The following IRAK1BP1 variants were observed in gnomAD, a reference collection of about 807,000 sequenced individuals.
The protein encoded by IRAK1BP1 is interleukin 1 receptor associated kinase 1 binding protein 1, also known as interleukin-1 receptor-associated kinase 1-binding protein 1.
IRAK1BP1 carries 24 observed loss-of-function variants against 28.0 expected under a neutral mutation model. The observed-to-expected ratio is 0.86, with a 90% CI of 0.62 to 1.20. The LOEUF is 1.20. Ranked by LOEUF, IRAK1BP1 falls within the 50% of genes most tolerant of loss-of-function variation. The pLI is 0.00. For missense variants in IRAK1BP1, 336 were observed against 316.7 expected (o/e 1.06, Z -0.46); for synonymous variants, 131 against 116.3 (o/e 1.13, Z -0.81).
chr6:78,965,613 C>A, the IRAK1BP1 span: 1 of 741,268 alleles, frequency 1.3e-6, no homozygotes, highest in Middle Eastern at 2.6e-4. Context: ...ATACTCACAA[C>A]TGTAAGTGGT....
chr6:78,971,815 T>C, the IRAK1BP1 span, among the ~76,000 whole-genome samples: 1 of 152,106 alleles, frequency 6.6e-6, no homozygotes, highest in Non-Finnish European at 1.5e-5. Flanking sequence ...ACTGCGCTTT[T>C]CCAATGGGCT....
downstream of IRAK1BP1, among the ~76,000 whole-genome samples, chr6:78,905,890 C>T (rs761712317): frequency 2.0e-5 from 3 of 152,074 alleles, no homozygotes; most frequent in Non-Finnish European, 2.9e-5. Context: ...CGTGAGCCAC[C>T]GTACCTGACC....
At chr6:78,922,365 G>A (rs537137830) in intron 4 of IRAK1BP1, among the ~76,000 whole-genome samples, 23 of 152,196 alleles carry the variant, frequency 1.5e-4, no homozygotes, top group Non-Finnish European at 3.1e-4. Context: ...GAGAAGAGAA[G>A]TTTAGAGAAA....
chr6:78,954,895 C>T, the IRAK1BP1 span: 1 of 1,586,734 alleles, frequency 6.3e-7, no homozygotes, highest in Non-Finnish European at 8.6e-7. Flanking sequence ...ATTCTTCACA[C>T]TGTTTCTTCC....
intron 1 of IRAK1BP1, chr6:78,871,500 A>G (rs1186909971): frequency 1.2e-5 from 12 of 985,398 alleles, no homozygotes; most frequent in Non-Finnish European, 1.4e-5. Context: ...CCACAGGAAC[A>G]GCAGACGAGA....
Position 78,899,621 on chromosome 6 carries a change from A to G in IRAK1BP1, c.*1287A>G, listed in dbSNP as rs945016429. On this transcript the variant is annotated 3_prime_UTR_variant, in exon 4 of 4. Coordinates refer to ENST00000369940, the MANE Select transcript of IRAK1BP1 (RefSeq NM_001010844.4). The stretch of plus-strand genomic sequence containing the variant: ...GAGATGGAGTCTTTCTCTGTCGCCC[A>G]AGCTGGAGTGCAGTGGTACGATCTC... The G allele has an allele frequency of 6.6e-6, 1 of 152,042 alleles. No homozygotes were observed. Among genetic ancestry groups the G allele is most frequent in the African/African-American group, 2.4e-5 (1 of 41,410 alleles). 9.4% of individuals were successfully genotyped at this position (152,042 alleles called of 1,614,324 possible). A position where few individuals can be genotyped will look rare whatever the true frequency, so the allele number is the denominator to read the frequency against.
the IRAK1BP1 span, among the ~76,000 whole-genome samples, chr6:78,968,889 C>G: frequency 6.6e-6 from 1 of 152,092 alleles, no homozygotes; most frequent in Non-Finnish European, 1.5e-5. Context: ...CCAATTTTTT[C>G]CCCCTGAAGA....
In IRAK1BP1 at chr6:78,885,564, CA is replaced by C. The variant is rs1239104297; in HGVS notation, c.381+125del. ...GATATTAATAGAAGATTATTTTTCT[CA>C]AAATCATCTTGGTGTTATATATCTA... On this transcript the variant is annotated intron_variant, in intron 2 of 3. Transcript: ENST00000369940. 12 of 506,912 alleles carry C rather than the reference CA, an allele frequency of 2.4e-5. No homozygotes were observed. The East Asian group carries it at 3.9e-4, about 17-fold the overall frequency. 31.4% of individuals were successfully genotyped at this position (506,912 alleles called of 1,614,324 possible).
At chr6:78,949,351 T>G (rs1311709770), downstream of IRAK1BP1, among the ~76,000 whole-genome samples, 2 of 152,136 alleles carry the variant, frequency 1.3e-5, no homozygotes, top group Non-Finnish European at 2.9e-5. Context: ...AGAACATGTC[T>G]TTCATATACA....
intron 2 of IRAK1BP1, among the ~76,000 whole-genome samples, chr6:78,894,184 AAAAG>A (rs1771797938): frequency 6.6e-6 from 1 of 152,198 alleles, no homozygotes; most frequent in African/African-American, 2.4e-5. Flanking sequence ...AAAAATATCA[AAAAG>A]AAAACAGAAA....
chr6:78,891,098 A>G (rs1771642398), intron 2 of IRAK1BP1, among the ~76,000 whole-genome samples: 1 of 152,212 alleles, frequency 6.6e-6, no homozygotes, highest in Admixed American at 6.5e-5. Context: ...AGATTACCCA[A>G]TTAATTTGAC....
At chr6:78,974,640 A>C in the IRAK1BP1 span, among the ~76,000 whole-genome samples, 3 of 152,108 alleles carry the variant, frequency 2.0e-5, no homozygotes, top group Non-Finnish European at 2.9e-5. Context: ...AAGACTAATA[A>C]AAGAAAAAAA....
At chr6:78,975,998 T>C in the IRAK1BP1 span, among the ~76,000 whole-genome samples, 1 of 151,882 alleles carries the variant, frequency 6.6e-6, no homozygotes, top group Non-Finnish European at 1.5e-5. Flanking sequence ...TACCAATGCC[T>C]TTCTTCACAG....
At chr6:78,885,223 A>G (rs1290115939) in intron 1 of IRAK1BP1, among the ~76,000 whole-genome samples, 155 bp from the exon 2 acceptor site, 2 of 152,112 alleles carry the variant, frequency 1.3e-5, no homozygotes, top group Non-Finnish European at 2.9e-5. Flanking sequence ...AATTCATTTT[A>G]TGTCACTTTT....
chr6:78,890,660 A>AT (rs1771619724), intron 2 of IRAK1BP1, among the ~76,000 whole-genome samples: 1 of 152,254 alleles, frequency 6.6e-6, no homozygotes, highest in African/African-American at 2.4e-5. Context: ...ACCAAGGGTC[A>AT]GAAATCTGAA....
chr6:78,941,199 T>C lies in IRAK1BP1; in HGVS notation c.*68-4209T>C, dbSNP rs754142588. 18 of 1,613,938 alleles carry C rather than the reference T, an allele frequency of 1.1e-5. No homozygotes were observed. The South Asian group carries it at 2.0e-4, about 18-fold the overall frequency. On this transcript the variant is annotated intron_variant and NMD_transcript_variant, in intron 4 of 4. Coordinates refer to the IRAK1BP1 transcript ENST00000606868. ...TTTCTACCCCTTTTCTTGTGTATAA[T>C]TTCACCACTATTGGTATTAACTTCT... is the stretch of plus-strand genomic sequence containing the variant.
chr6:78,976,597 A>C, the IRAK1BP1 span, among the ~76,000 whole-genome samples: 186 of 141,622 alleles, frequency 1.3e-3, no homozygotes, highest in African/African-American at 4.6e-3. Context: ...CAACCTACAA[A>C]ATGGGAGAAA....
the IRAK1BP1 span, among the ~76,000 whole-genome samples, chr6:78,964,178 T>G: frequency 6.6e-6 from 1 of 152,152 alleles, no homozygotes; most frequent in African/African-American, 2.4e-5. Flanking sequence ...ACCAATTGAT[T>G]TAAGATATTT....
In IRAK1BP1 at chr6:78,922,024, C is replaced by T. The variant is rs568662176; in HGVS notation, c.*67+18914C>T. ...TTCTAAAAATCAGAGAGGCTATCCT[C>T]CTCCAAAGGAACACAGCTCTTCATC... On this transcript the variant is annotated intron_variant and NMD_transcript_variant, in intron 4 of 4. Coordinates refer to the IRAK1BP1 transcript ENST00000606868. 1.4e-4 allele frequency among the ~76,000 whole-genome samples: 21 copies of T among 152,320 alleles called. 1 individual carries two copies. The South Asian group carries it at 4.1e-3, about 30-fold the overall frequency.
Sources: allele counts gnomAD v4.1 joint callset (sites outside exome capture counted in the v4.1 genomes callset), GRCh38; gene constraint gnomAD v4.1.1; transcripts MANE v1.5; gene names NCBI Gene and HGNC (gene_info 2026-07-23, HGNC 2026-07-21).